ZNF385D: variants seen among roughly 807,000 people sequenced by gnomAD.
The protein encoded by ZNF385D is zinc finger protein 385D.
ZNF385D carries 15 observed loss-of-function variants against 35.8 expected under a neutral mutation model. The observed-to-expected ratio is 0.42, with a 90% CI of 0.28 to 0.64. The LOEUF is 0.64. Among genes scored for constraint, ZNF385D ranks in the 30% least tolerant of loss-of-function variants. The pLI is 0.23. For missense variants in ZNF385D, 474 were observed against 494.6 expected (o/e 0.96, Z 0.39); for synonymous variants, 212 against 186.8 (o/e 1.13, Z -1.10).
rs182246829 is a variant in ZNF385D, at chr3:22,212,770, A to G, written c.107-43735T>C. ...AAAGAAATATTAGGACAGAGATAAT[A>G]GTATAGCTATAGTTAGCAAAGAACT... is the stretch of plus-strand genomic sequence containing the variant. On this transcript the variant is annotated intron_variant, in intron 2 of 5. Transcript: ENST00000494108. 9.2e-4 allele frequency among the ~76,000 whole-genome samples: 140 copies of G among 152,162 alleles called. 1 individual carries two copies. Among genetic ancestry groups the G allele is most frequent in the African/African-American group, 3.1e-3 (128 of 41,560 alleles).
At chr3:21,809,819 C>T (rs1478034652) in intron 3 of ZNF385D, among the ~76,000 whole-genome samples, 1 of 151,290 alleles carries the variant, frequency 6.6e-6, no homozygotes, top group Non-Finnish European at 1.5e-5. Context: ...GAGAGAGGTA[C>T]AAAAAACCAG....
At chr3:22,116,879 A>C (rs766857577) in intron 3 of ZNF385D, among the ~76,000 whole-genome samples, 1 of 152,074 alleles carries the variant, frequency 6.6e-6, no homozygotes, top group African/African-American at 2.4e-5. Flanking sequence ...ACTTATAATG[A>C]AAACACTGAG....
At chr3:21,720,576 C>T (rs1368699088) in intron 1 of ZNF385D, among the ~76,000 whole-genome samples, 5 of 152,142 alleles carry the variant, frequency 3.3e-5, no homozygotes, top group Non-Finnish European at 5.9e-5. Context: ...AATTCTCAGG[C>T]CCTACCTCAG....
intron 2 of ZNF385D, among the ~76,000 whole-genome samples, chr3:22,181,567 G>A: frequency 6.6e-6 from 1 of 151,896 alleles, no homozygotes; most frequent in East Asian, 1.9e-4. Flanking sequence ...TCGCAGTGGC[G>A]GGCGCCTGTA....
chr3:21,442,118 A>T (rs974865227), intron 4 of ZNF385D, among the ~76,000 whole-genome samples: 4 of 152,188 alleles, frequency 2.6e-5, no homozygotes, highest in East Asian at 1.9e-4. Context: ...ATACTTCTTT[A>T]AAAAAATCCA....
At chr3:21,933,431 T>C (rs634523) in intron 3 of ZNF385D, among the ~76,000 whole-genome samples, 9,278 of 152,224 alleles carry the variant, frequency 0.061, 443 homozygotes, top group African/African-American at 0.12. Flanking sequence ...CATGAGACTA[T>C]TGATGGTAAT....
At chr3:22,149,154 C>T (rs1392887629) in intron 3 of ZNF385D, among the ~76,000 whole-genome samples, 2 of 152,066 alleles carry the variant, frequency 1.3e-5, no homozygotes, top group Admixed American at 1.3e-4. Flanking sequence ...GCATTTTAGA[C>T]CCCCGGCTGA....
intron 2 of ZNF385D, among the ~76,000 whole-genome samples, chr3:22,357,765 C>T (rs188814353): frequency 1.3e-5 from 2 of 151,928 alleles, no homozygotes; most frequent in African/African-American, 4.8e-5. Flanking sequence ...GCAAATCACA[C>T]ACCAACTTTT....
chr3:22,303,460 A>C (rs1188732430), intron 2 of ZNF385D, among the ~76,000 whole-genome samples: 1 of 152,128 alleles, frequency 6.6e-6, no homozygotes, highest in African/African-American at 2.4e-5. Context: ...TTTGCTTTAC[A>C]ACTGGTTCAC....
intron 1 of ZNF385D, among the ~76,000 whole-genome samples, chr3:21,673,215 G>A (rs1418295017): frequency 6.6e-6 from 1 of 152,078 alleles, no homozygotes; most frequent in African/African-American, 2.4e-5. Context: ...ACAGTCACAT[G>A]TGACTATTTT....
At chr3:21,439,888 G>A (rs1390140940) in intron 4 of ZNF385D, among the ~76,000 whole-genome samples, 1 of 152,014 alleles carries the variant, frequency 6.6e-6, no homozygotes, top group East Asian at 1.9e-4. Flanking sequence ...CTTCTGGTGT[G>A]TCTACTTTCT....
intron 2 of ZNF385D, among the ~76,000 whole-genome samples, chr3:22,345,446 T>A (rs1359334629): frequency 6.6e-6 from 1 of 152,244 alleles, no homozygotes; most frequent in African/African-American, 2.4e-5. Flanking sequence ...CATTCCTTTA[T>A]TAAGCAAATA....
intron 2 of ZNF385D, among the ~76,000 whole-genome samples, chr3:22,313,555 GAT>G (rs1183915550): frequency 6.7e-6 from 1 of 149,086 alleles, no homozygotes; most frequent in African/African-American, 2.5e-5. Flanking sequence ...TTTTAAAAAA[GAT>G]ATTACAAAAC....
chr3:22,238,735 T>G (rs1699328039), intron 2 of ZNF385D, among the ~76,000 whole-genome samples: 1 of 150,854 alleles, frequency 6.6e-6, no homozygotes, highest in South Asian at 2.2e-4. Context: ...ATATTTTTTA[T>G]ATATAGATTT....
At chr3:21,776,945 A>G (rs907665618) in intron 3 of ZNF385D, among the ~76,000 whole-genome samples, 2 of 151,952 alleles carry the variant, frequency 1.3e-5, no homozygotes, top group African/African-American at 4.8e-5. Flanking sequence ...TAGCTGCTGA[A>G]CGGTGCTAAA....
rs140965790 is a variant in ZNF385D at position 21,499,023 on chromosome 3, G to A, written c.439+11838C>T. On this transcript the variant is annotated intron_variant, in intron 4 of 7. Transcript: ENST00000281523. ...TTGTGGAGAAAAACACTTATATACTGTTGGTGGGAGTGTAAACTAGTTCAG... is the reference window on the plus strand; with the variant it reads ...TTGTGGAGAAAAACACTTATATACTATTGGTGGGAGTGTAAACTAGTTCAG... Among the ~76,000 whole-genome samples, 1,217 of 150,100 alleles carry A rather than the reference G, an allele frequency of 8.1e-3. 19 individuals carry two copies. Among genetic ancestry groups the A allele is most frequent in the South Asian group, 0.046 (218 of 4,732 alleles).
chr3:21,492,809 A>AAATAAATAAATAAATG, intron 4 of ZNF385D, among the ~76,000 whole-genome samples: 1 of 151,452 alleles, frequency 6.6e-6, no homozygotes, highest in African/African-American at 2.4e-5. Flanking sequence ...ATAAATAAAT[A>AAATAAATAAATAAATG]AATAAATTTT....
intron 2 of ZNF385D, among the ~76,000 whole-genome samples, chr3:22,226,007 T>A (rs1296579947): frequency 6.6e-6 from 1 of 152,114 alleles, no homozygotes; most frequent in East Asian, 1.9e-4. Flanking sequence ...CCCATTGAAT[T>A]GAAAACCCCA....
At chr3:21,628,703 T>C (rs1263010735) in intron 2 of ZNF385D, among the ~76,000 whole-genome samples, 1 of 152,048 alleles carries the variant, frequency 6.6e-6, no homozygotes, top group African/African-American at 2.4e-5. Context: ...ACTGCAAAAT[T>C]CTGGCTTGGT....
Sources: gnomAD v4.1 joint callset for allele counts (sites outside exome capture counted in the v4.1 genomes callset) on GRCh38, gnomAD v4.1.1 for gene constraint, MANE v1.5 for transcripts, NCBI Gene and HGNC (gene_info 2026-07-23, HGNC 2026-07-21) for gene names.